The following OR1L8 variants were observed in gnomAD, a reference collection of about 807,000 sequenced individuals.
OR1L8 encodes olfactory receptor family 1 subfamily L member 8.
For synonymous variants in OR1L8, 148 were observed against 147.0 expected (o/e 1.01, Z -0.05); for missense variants, 330 against 377.4 (o/e 0.87, Z 1.04).
At chr9:122,571,323 A>G (rs111782038) in intron 4 of OR1L8, among the ~76,000 whole-genome samples, 1,830 of 152,186 alleles carry the variant, frequency 0.012, 47 homozygotes, top group African/African-American at 0.041. Flanking sequence ...AGGCTGAGGC[A>G]GGCGGATCAC....
downstream of OR1L8, among the ~76,000 whole-genome samples, chr9:122,565,141 G>C (rs1829408549): frequency 6.6e-6 from 1 of 152,216 alleles, no homozygotes; most frequent in Non-Finnish European, 1.5e-5. Flanking sequence ...CCAAGAGAGA[G>C]GCACTATGCC....
At chr9:122,561,160 G>A in the OR1L8 span, among the ~76,000 whole-genome samples, 1 of 152,118 alleles carries the variant, frequency 6.6e-6, no homozygotes, top group East Asian at 1.9e-4. Context: ...TTCTTGTGCT[G>A]TGTTTTTCAG....
chr9:122,573,264 A>G (rs1829584961), intron 3 of OR1L8, among the ~76,000 whole-genome samples: 1 of 152,246 alleles, frequency 6.6e-6, no homozygotes, highest in Admixed American at 6.5e-5. Context: ...CTCCAAGGAG[A>G]CAGGGACCCC....
chr9:122,567,958 C>A lies in OR1L8; in HGVS notation c.520G>T (p.Val174Phe). The A allele has an allele frequency of 6.2e-7, 1 of 1,614,082 alleles. No individual in the cohort carries two copies. The highest frequency in any genetic ancestry group is 8.5e-7 in the Non-Finnish European group (1 of 1,180,012). The change falls in exon 5 of 5, where the codon GTT (valine) becomes TTT (phenylalanine). Residue 174 changes from valine (V) to phenylalanine (F), a missense_variant. Transcript: ENST00000641027. ...AGGTCACAGAGAAAGTGGTGGATAA[C>A]ATTGGAGTCACAGAAGGTGAGACGA... ...LNRLTFCDSN[V>F]IHHFLCDLSP...
At chr9:122,570,621 C>A (rs1396557829) in intron 4 of OR1L8, among the ~76,000 whole-genome samples, 1 of 152,170 alleles carries the variant, frequency 6.6e-6, no homozygotes, top group Non-Finnish European at 1.5e-5. Context: ...ACATTCAGGA[C>A]AAGCTGTTCC....
chr9:122,561,462 C>T, the OR1L8 span, among the ~76,000 whole-genome samples: 4 of 152,174 alleles, frequency 2.6e-5, no homozygotes, highest in African/African-American at 9.7e-5. Flanking sequence ...GATTCTTTCT[C>T]ATCTTCATGA....
Position 122,577,604 on chromosome 9 carries a change from A to AT in OR1L8, c.-477-704dup, listed in dbSNP as rs76631362. Among the ~76,000 whole-genome samples, 234 of 152,282 alleles carry AT rather than the reference A, an allele frequency of 1.5e-3. 7 individuals carry two copies. In the East Asian group the frequency reaches 0.043, roughly 28 times the overall value. On this transcript the variant is annotated intron_variant, in intron 2 of 4. Coordinates refer to ENST00000641027, the MANE Select transcript of OR1L8 (RefSeq NM_001004454.2). ...AAAATAATAAAATAACAGTGATACC[A>AT]TTTTTTCACCAATCATATTATCTAT...
In OR1L8 at chr9:122,581,264, G is replaced by A. The variant is rs570689456; in HGVS notation, c.-600+2057C>T. ...GCCTGTAATCCCAGCTACTTGGGAGGCTGAGGCACAAGAATCTCTTGAACC... is the reference window on the plus strand; with the variant it reads ...GCCTGTAATCCCAGCTACTTGGGAGACTGAGGCACAAGAATCTCTTGAACC... On this transcript the variant is annotated intron_variant, in intron 1 of 4. Coordinates refer to ENST00000641027, the MANE Select transcript of OR1L8 (RefSeq NM_001004454.2). Among the ~76,000 whole-genome samples, 9 of 152,232 alleles carry A rather than the reference G, an allele frequency of 5.9e-5. No individual in the cohort carries two copies. The South Asian group carries it at 1.9e-3, about 32-fold the overall frequency.
In OR1L8 at chr9:122,570,078, A is replaced by G. The variant is rs10985705; in HGVS notation, c.-212-1389T>C. 1.6e-3 allele frequency among the ~76,000 whole-genome samples: 240 copies of G among 149,150 alleles called. 2 individuals carry two copies. Among genetic ancestry groups the G allele is most frequent in the African/African-American group, 5.6e-3 (227 of 40,400 alleles). ...CCACATTTTCTTAATCCAGTCTATC[A>G]TTGTTGGACATTTGGGTTGGTTCCA... On this transcript the variant is annotated intron_variant, in intron 4 of 4. Transcript: ENST00000641027.
chr9:122,553,839 C>T, the OR1L8 span: 2 of 1,614,084 alleles, frequency 1.2e-6, no homozygotes, highest in Non-Finnish European at 1.7e-6. Flanking sequence ...CTTGCTGTTC[C>T]TCACTGTTCC....
the OR1L8 span, among the ~76,000 whole-genome samples, chr9:122,562,028 C>T: frequency 6.6e-6 from 1 of 152,150 alleles, no homozygotes; most frequent in Non-Finnish European, 1.5e-5. Flanking sequence ...GTCCTTGAGC[C>T]CCTGGCGGGA....
At chr9:122,579,588 A>C (rs1268764574) in intron 1 of OR1L8, among the ~76,000 whole-genome samples, 8 of 152,192 alleles carry the variant, frequency 5.3e-5, no homozygotes, top group Non-Finnish European at 1.2e-4. Flanking sequence ...TAAGTACTTC[A>C]AAAAGAGAAT....
intron 1 of OR1L8, among the ~76,000 whole-genome samples, chr9:122,579,515 G>A (rs1829712220): frequency 6.6e-6 from 1 of 152,118 alleles, no homozygotes; most frequent in Non-Finnish European, 1.5e-5. Flanking sequence ...ACTAATAGCT[G>A]CTGGATGAGG....
At chr9:122,582,587 G>C (rs751095693) in intron 1 of OR1L8, among the ~76,000 whole-genome samples, 1 of 151,970 alleles carries the variant, frequency 6.6e-6, no homozygotes, top group East Asian at 1.9e-4. Flanking sequence ...GGGCATAGTA[G>C]TACACACCTG....
intron 4 of OR1L8, among the ~76,000 whole-genome samples, chr9:122,572,098 A>G (rs1174315796): frequency 6.6e-6 from 1 of 152,110 alleles, no homozygotes; most frequent in South Asian, 2.1e-4. Flanking sequence ...GGCGCTACAC[A>G]CTTTTTAAAC....
the OR1L8 span, among the ~76,000 whole-genome samples, chr9:122,552,307 TG>T: frequency 6.6e-6 from 1 of 152,142 alleles, no homozygotes; most frequent in East Asian, 1.9e-4. Flanking sequence ...AAAAACAGAC[TG>T]GTTATTTTCA....
chr9:122,561,134 C>T, the OR1L8 span, among the ~76,000 whole-genome samples: 7 of 152,164 alleles, frequency 4.6e-5, no homozygotes, highest in Non-Finnish European at 7.4e-5. Flanking sequence ...TTGATACTTG[C>T]GTATGCTTCA....
At chr9:122,580,304 A>G (rs1483890342) in intron 1 of OR1L8, among the ~76,000 whole-genome samples, 4 of 151,670 alleles carry the variant, frequency 2.6e-5, no homozygotes, top group African/African-American at 9.7e-5. Context: ...CTAACTGTAA[A>G]GAATTCTAGG....
At chr9:122,571,482 G>A (rs183437648) in intron 4 of OR1L8, among the ~76,000 whole-genome samples, 17 of 151,506 alleles carry the variant, frequency 1.1e-4, no homozygotes, top group South Asian at 2.1e-4. Context: ...CCCAGGAGAC[G>A]GAGGTTGCAG....
Sources: allele counts gnomAD v4.1 joint callset (sites outside exome capture counted in the v4.1 genomes callset), GRCh38; gene constraint gnomAD v4.1.1; transcripts MANE v1.5; gene names NCBI Gene and HGNC (gene_info 2026-07-23, HGNC 2026-07-21).